ARL15: variants seen among roughly 807,000 people sequenced by gnomAD.
The protein encoded by ARL15 is ARF like GTPase 15, also known as ADP-ribosylation factor-like protein 15.
ARL15 carries 19 observed loss-of-function variants against 25.2 expected under a neutral mutation model. The ratio of observed to expected loss-of-function variants is 0.75; its 90% CI spans 0.53 to 1.10. The LOEUF (loss-of-function observed/expected upper bound fraction) is 1.10. Among genes scored for constraint, ARL15 ranks in the 50% least tolerant of loss-of-function variants. ARL15 has a pLI of 0.00. For synonymous variants in ARL15, 94 were observed against 86.8 expected (o/e 1.08, Z -0.46); for missense variants, 220 against 246.0 (o/e 0.89, Z 0.71).
At chr5:53,916,381 T>C (rs1379701918) in intron 4 of ARL15, among the ~76,000 whole-genome samples, 1 of 151,452 alleles carries the variant, frequency 6.6e-6, no homozygotes, top group South Asian at 2.1e-4. Flanking sequence ...AGGGAGAGAT[T>C]TGAAGTACCA....
Position 54,164,482 on chromosome 5 carries a change from T to G in ARL15, c.193+7302A>C, listed in dbSNP as rs904496352. Among the ~76,000 whole-genome samples the G allele has an allele frequency of 3.3e-5, 5 of 152,202 alleles. No individual in the cohort carries two copies. In the South Asian group the frequency reaches 1.0e-3, roughly 32 times the overall value. ...AAACTGACGTCGCTGATTGTAATTG[T>G]GGGTTTGTACATTTCTTTTTGCAGT... On this transcript the variant is annotated intron_variant, in intron 2 of 4. Coordinates refer to ENST00000504924, the MANE Select transcript of ARL15 (RefSeq NM_019087.3).
chr5:54,289,092 G>T (rs994619485), intron 1 of ARL15, among the ~76,000 whole-genome samples: 1 of 152,194 alleles, frequency 6.6e-6, no homozygotes, highest in African/African-American at 2.4e-5. Flanking sequence ...GCCCCAGGGT[G>T]GCAAGTGTAG....
At chr5:53,969,285 G>C (rs950082201) in intron 4 of ARL15, among the ~76,000 whole-genome samples, 1 of 152,154 alleles carries the variant, frequency 6.6e-6, no homozygotes, top group African/African-American at 2.4e-5. Context: ...ACTTGCAAAA[G>C]TACTATTAGG....
At position 54,254,064 on chromosome 5, in the gene ARL15, C is replaced by T. The variant is rs72754254; in HGVS notation, c.48+56368G>A. On this transcript the variant is annotated intron_variant, in intron 1 of 4. Coordinates refer to ENST00000504924, the MANE Select transcript of ARL15 (RefSeq NM_019087.3). ...GGGTGATGAAATAGAGCCAGAAAAA[C>T]TGGACTCTATTCTGCATAAATTTTC... 9.7e-3 allele frequency among the ~76,000 whole-genome samples: 1,478 copies of T among 152,286 alleles called. 8 individuals are homozygous for T. Among genetic ancestry groups the T allele is most frequent in the Middle Eastern group, 0.02 (6 of 294 alleles).
chr5:53,895,631 T>A (rs1744846524), intron 4 of ARL15, among the ~76,000 whole-genome samples: 1 of 152,206 alleles, frequency 6.6e-6, no homozygotes, highest in Admixed American at 6.5e-5. Context: ...TTACACCACC[T>A]GAAGCCTAGC....
At chr5:54,118,813 G>A (rs1189024019) in intron 3 of ARL15, among the ~76,000 whole-genome samples, 1 of 152,060 alleles carries the variant, frequency 6.6e-6, no homozygotes, top group Non-Finnish European at 1.5e-5. Flanking sequence ...GTGTTGCCCA[G>A]GAACTTTAAA....
chr5:54,294,137 C>T (rs183357179), intron 1 of ARL15, among the ~76,000 whole-genome samples: 62 of 152,304 alleles, frequency 4.1e-4, no homozygotes, highest in African/African-American at 1.3e-3. Context: ...CCAATGCCAA[C>T]GAAAAGTATC....
At chr5:53,891,283 AAG>A in intron 4 of ARL15, among the ~76,000 whole-genome samples, 1 of 152,180 alleles carries the variant, frequency 6.6e-6, no homozygotes, top group Non-Finnish European at 1.5e-5. Context: ...TTGTGTGTGA[AAG>A]AGAGTCATGT....
chr5:53,987,645 C>T (rs573079986), intron 4 of ARL15, among the ~76,000 whole-genome samples: 2 of 152,078 alleles, frequency 1.3e-5, no homozygotes, highest in African/African-American at 4.8e-5. Context: ...AGCTTTGGGT[C>T]CTTTCAGAAA....
chr5:54,129,244 T>C (rs1318966904), intron 3 of ARL15, among the ~76,000 whole-genome samples: 2 of 152,158 alleles, frequency 1.3e-5, no homozygotes, highest in African/African-American at 4.8e-5. Context: ...TTAAGAACCA[T>C]GGGACAGCCA....
rs1744473089 is a variant in ARL15, at chr5:53,884,994, G to C, written c.*1567C>G. ...CATTAAAAAAAAAAAGCTTAAAGAA[G>C]TGTTTGATGTTTCAAAGGTAATGAT... On this transcript the variant is annotated 3_prime_UTR_variant, in exon 5 of 5. Coordinates refer to ENST00000504924, the MANE Select transcript of ARL15 (RefSeq NM_019087.3). 6.6e-6 allele frequency: 1 copy of C among 151,660 alleles called. No homozygotes were observed. Among genetic ancestry groups the C allele is most frequent in the African/African-American group, 2.4e-5 (1 of 41,156 alleles). The allele number at this position is 151,660 out of a possible 1,614,324, so 9.4% of individuals were successfully genotyped here. A position where few individuals can be genotyped will look rare whatever the true frequency, so the allele number is the denominator to read the frequency against.
intron 4 of ARL15, among the ~76,000 whole-genome samples, chr5:53,909,670 C>A (rs1182457960): frequency 6.6e-6 from 1 of 152,186 alleles, no homozygotes; most frequent in Non-Finnish European, 1.5e-5. Context: ...CACGCCATTG[C>A]AGTCCAGCCT....
At chr5:54,114,585 T>C (rs570355735) in intron 3 of ARL15, among the ~76,000 whole-genome samples, 1 of 152,204 alleles carries the variant, frequency 6.6e-6, no homozygotes, top group South Asian at 2.1e-4. Context: ...CTTTACAAAT[T>C]TGAGACTAGA....
chr5:53,971,683 C>T (rs1580129867), intron 4 of ARL15, among the ~76,000 whole-genome samples: 1 of 152,102 alleles, frequency 6.6e-6, no homozygotes, highest in African/African-American at 2.4e-5. Flanking sequence ...GCACACACAT[C>T]CTAAACAACA....
chr5:53,931,118 G>A (rs971704620), intron 4 of ARL15, among the ~76,000 whole-genome samples: 2 of 152,120 alleles, frequency 1.3e-5, no homozygotes, highest in Middle Eastern at 3.2e-3. Flanking sequence ...CAATGAGGAA[G>A]AAAGAGTAAT....
rs1032214869 is a variant in ARL15, at chr5:54,116,940, G to A, written c.254-3530C>T. ...AGGAGAAAAGAAATGGAACCCTATT[G>A]GAACAAAAGGTAAGTTAATGCCCAC... is the stretch of plus-strand genomic sequence containing the variant. On this transcript the variant is annotated intron_variant, in intron 3 of 4. Coordinates refer to ENST00000504924, the MANE Select transcript of ARL15 (RefSeq NM_019087.3). Among the ~76,000 whole-genome samples the A allele has an allele frequency of 2.0e-5, 3 of 152,188 alleles. No homozygotes were observed. The East Asian group carries it at 5.8e-4, about 29-fold the overall frequency.
At chr5:54,198,776 C>T (rs942817549) in intron 1 of ARL15, among the ~76,000 whole-genome samples, 2 of 151,058 alleles carry the variant, frequency 1.3e-5, no homozygotes, top group African/African-American at 4.9e-5. Context: ...AGACTTTCTT[C>T]ACAGAATTGG....
intron 4 of ARL15, among the ~76,000 whole-genome samples, chr5:53,964,568 G>A (rs1747487149): frequency 1.3e-5 from 2 of 152,044 alleles, no homozygotes; most frequent in Non-Finnish European, 1.5e-5. Context: ...CACCGTGTTA[G>A]CCAGGATGGT....
intron 4 of ARL15, among the ~76,000 whole-genome samples, chr5:53,893,415 G>C (rs1744781197): frequency 6.6e-6 from 1 of 152,100 alleles, no homozygotes; most frequent in South Asian, 2.1e-4. Context: ...GACCATCCTG[G>C]CTAACACGGT....
Sources: gnomAD v4.1 joint callset for allele counts (sites outside exome capture counted in the v4.1 genomes callset) on GRCh38, gnomAD v4.1.1 for gene constraint, MANE v1.5 for transcripts, NCBI Gene and HGNC (gene_info 2026-07-23, HGNC 2026-07-21) for gene names.